Variants in NAPA observed in about 807,000 individuals in gnomAD.
The protein encoded by NAPA is alpha-soluble NSF attachment protein.
In NAPA, 18 loss-of-function variants were observed where a neutral mutation model predicts 48.0. That is an observed-to-expected ratio of 0.38 (90% confidence interval 0.26 to 0.56). NAPA has a LOEUF of 0.56. NAPA is among the 20% of genes least tolerant of loss of function. The pLI, the probability that NAPA is intolerant of heterozygous loss-of-function variation, is 0.77. For synonymous variants in NAPA, 152 were observed against 149.9 expected (o/e 1.01, Z -0.10); for missense variants, 315 against 385.0 (o/e 0.82, Z 1.52).
intron 1 of NAPA, 77 bp from the exon 2 acceptor site, chr19:47,503,579 C>A: frequency 7.3e-7 from 1 of 1,364,490 alleles, no homozygotes; most frequent in South Asian, 1.2e-5. Context: ...GCTCCAGTGC[C>A]GGGCACAGAC....
intron 2 of NAPA, among the ~76,000 whole-genome samples, chr19:47,502,509 C>T (rs1568468838): frequency 6.6e-6 from 1 of 152,130 alleles, no homozygotes; most frequent in Admixed American, 6.5e-5. Context: ...GGGAAACCAA[C>T]AACATTCTCA....
Position 47,492,037 on chromosome 19 carries a change from C to A in NAPA, c.644G>T (p.Cys215Phe). Reference sequence around the variant, plus strand: ...TACCTTGGCGTTGAGCATGTCGATGCAGAAGTGGCAGAGGGCCGCCTTGAA... The same window carrying A: ...TACCTTGGCGTTGAGCATGTCGATGAAGAAGTGGCAGAGGGCCGCCTTGAA... ...YFFKAALCHF[C>F]IDMLNAKLAV... The change falls in exon 8 of 11, where the codon TGC becomes TTC. Residue 215 changes from cysteine (C) to phenylalanine (F), a missense_variant. Coordinates refer to ENST00000263354, the MANE Select transcript of NAPA (RefSeq NM_003827.4). 1 of 1,614,098 alleles carries A rather than the reference C, an allele frequency of 6.2e-7. No individual in the cohort carries two copies. Among genetic ancestry groups the A allele is most frequent in the Non-Finnish European group, 8.5e-7 (1 of 1,179,992 alleles).
At chr19:47,503,914 C>T (rs1226407000) in intron 1 of NAPA, among the ~76,000 whole-genome samples, 1 of 152,232 alleles carries the variant, frequency 6.6e-6, no homozygotes, top group Non-Finnish European at 1.5e-5. Context: ...CATCGTGTTG[C>T]TTTCGCAGAG....
Position 47,508,161 on chromosome 19 carries a change from G to C in NAPA, c.99-4659C>G, listed in dbSNP as rs573634269. Among the ~76,000 whole-genome samples the C allele has an allele frequency of 1.8e-4, 27 of 152,308 alleles. 1 individual carries two copies. In the South Asian group the frequency reaches 5.2e-3, roughly 29 times the overall value. Reference sequence around the variant, plus strand: ...GTATGAATTAAGCCAGCCCCCTACCGAGCCTGCCAGTAACAAGCCAACAGG... The same window carrying C: ...GTATGAATTAAGCCAGCCCCCTACCCAGCCTGCCAGTAACAAGCCAACAGG... On this transcript the variant is annotated intron_variant, in intron 1 of 10. Transcript: ENST00000263354.
At chr19:47,494,755 AAAAG>A (rs1409382052) in intron 4 of NAPA, among the ~76,000 whole-genome samples, 4 of 145,780 alleles carry the variant, frequency 2.7e-5, no homozygotes, top group South Asian at 2.2e-4. Context: ...AAAAAAAAAA[AAAAG>A]AGAGAGAGAG....
Position 47,515,019 on chromosome 19 carries a change from G to T in NAPA, c.-79C>A. On this transcript the variant is annotated 5_prime_UTR_variant, in exon 1 of 11. It adds an upstream start codon to the 5' untranslated region. Coordinates refer to ENST00000263354, the MANE Select transcript of NAPA (RefSeq NM_003827.4). ...AGCCGCGGCCGGGCCGCGGAACACA[G>T]ATCGGTAAAACTCGCCCGGCTGCGT... 2 of 1,439,168 alleles carry T rather than the reference G, an allele frequency of 1.4e-6. No homozygotes were observed. The highest frequency in any genetic ancestry group is 1.9e-6 in the Non-Finnish European group (2 of 1,049,984). 89.1% of individuals were successfully genotyped at this position (1,439,168 alleles called of 1,614,324 possible). A position where few individuals can be genotyped will look rare whatever the true frequency, so the allele number is the denominator to read the frequency against.
rs775218310 is a variant in NAPA, at chr19:47,503,505, G to A, written c.99-3C>T. ...CTTCCTCTATTTTGGATGAGCCTCT[G>A]GGGAAAAAGGAAAGAAAAAAAGGAG... On this transcript the variant is annotated splice_region_variant and splice_polypyrimidine_tract_variant and intron_variant, in intron 1 of 10. Coordinates refer to ENST00000263354, the MANE Select transcript of NAPA (RefSeq NM_003827.4). The A allele has an allele frequency of 1.2e-6, 2 of 1,613,782 alleles. No homozygotes were observed. The highest frequency in any genetic ancestry group is 1.7e-6 in the Non-Finnish European group (2 of 1,179,670).
chr19:47,488,101 G>C lies in NAPA; in HGVS notation c.*187C>G, dbSNP rs1415381402. The C allele has an allele frequency of 3.5e-6, 2 of 578,288 alleles. No individual in the cohort carries two copies. The highest frequency in any genetic ancestry group is 6.2e-6 in the Non-Finnish European group (2 of 321,508). The allele number at this position is 578,288 out of a possible 1,614,324, so 35.8% of individuals were successfully genotyped here. A position where few individuals can be genotyped will look rare whatever the true frequency, so the allele number is the denominator to read the frequency against. ...GGGCAAGGGATGTAGCGAGAACAGA[G>C]GGTGACTGTCCGGCCAGCAGCCTGG... On this transcript the variant is annotated 3_prime_UTR_variant, in exon 11 of 11. Coordinates refer to ENST00000263354, the MANE Select transcript of NAPA (RefSeq NM_003827.4).
At chr19:47,490,640 A>G (rs1259859882) in intron 9 of NAPA, 148 bp downstream of exon 9, 2 of 246,492 alleles carry the variant, frequency 8.1e-6, no homozygotes, top group Non-Finnish European at 1.5e-5. Context: ...TGGAGACTCA[A>G]ATGGCCAAAC....
At chr19:47,495,269 C>T (rs1968390595) in intron 4 of NAPA, 2 of 487,576 alleles carry the variant, frequency 4.1e-6, no homozygotes, top group Middle Eastern at 5.6e-4. Context: ...GCCAGGATTA[C>T]AGGCATGAGC....
chr19:47,493,485 G>A lies in NAPA; in HGVS notation c.351C>T (p.Phe117=), dbSNP rs976639502. The A allele has an allele frequency of 2.5e-6, 4 of 1,613,780 alleles. No individual in the cohort carries two copies. Among genetic ancestry groups the A allele is most frequent in the Non-Finnish European group, 3.4e-6 (4 of 1,179,966 alleles). Residue 117 remains phenylalanine, a synonymous_variant, in exon 5 of 11, where the codon TTC becomes TTT. Coordinates refer to ENST00000263354, the MANE Select transcript of NAPA (RefSeq NM_003827.4). This position sits in a 1 kb window ranked among gnomAD's most constrained non-coding sequence, Gnocchi z 6.4. ...AGATGTGGTGCTTGGCCGCAATCGT[G>A]AATCGGCCCTGGAGGGGACACAGGA... ...AIEIYTDMGR[F]TIAAKHHISI...
intron 1 of NAPA, 73 bp downstream of exon 1, chr19:47,514,770 C>T: frequency 1.4e-6 from 2 of 1,465,608 alleles, no homozygotes; most frequent in South Asian, 1.2e-5. Context: ...CGTGCCCTAA[C>T]CCGCCACCTC....
intron 7 of NAPA, 163 bp from the exon 8 acceptor site, chr19:47,492,282 G>A (rs934661676): frequency 6.5e-6 from 4 of 615,632 alleles, no homozygotes; most frequent in South Asian, 3.8e-5. Flanking sequence ...CCAGCTTGGA[G>A]AGGTCAGCGG....
intron 1 of NAPA, among the ~76,000 whole-genome samples, chr19:47,509,758 T>C (rs879107087): frequency 6.6e-6 from 1 of 152,146 alleles, no homozygotes; most frequent in African/African-American, 2.4e-5. Flanking sequence ...CCACGGCCCT[T>C]CGAGATGAGC....
chr19:47,491,980 TG>T, intron 8 of NAPA, 34 bp downstream of exon 8: 1 of 1,577,594 alleles, frequency 6.3e-7, no homozygotes, highest in Non-Finnish European at 8.7e-7. Flanking sequence ...CATGGTGGCC[TG>T]GTGCGGTGGT....
At chr19:47,486,940 CA>C (rs1968091622), downstream of NAPA, among the ~76,000 whole-genome samples, 1 of 152,236 alleles carries the variant, frequency 6.6e-6, no homozygotes, top group African/African-American at 2.4e-5. Flanking sequence ...TGCCCCTGCT[CA>C]CTTCCTGACA....
chr19:47,495,464 A>G, intron 4 of NAPA, 86 bp downstream of exon 4: 2 of 1,410,680 alleles, frequency 1.4e-6, no homozygotes, highest in Non-Finnish European at 2.0e-6. Flanking sequence ...GAATAAGAAC[A>G]GTGCTGGGGG....
chr19:47,509,815 G>A (rs1402287694), intron 1 of NAPA, among the ~76,000 whole-genome samples: 1 of 152,128 alleles, frequency 6.6e-6, no homozygotes, highest in Non-Finnish European at 1.5e-5. Context: ...CCTGGCAGGC[G>A]CCCTGTTTCT....
chr19:47,496,628 G>A, intron 3 of NAPA: 1 of 266,372 alleles, frequency 3.8e-6, no homozygotes, highest in South Asian at 3.5e-5. Flanking sequence ...GTCACCGTGG[G>A]GGTCTCCATG....
Sources: allele counts gnomAD v4.1 joint callset (sites outside exome capture counted in the v4.1 genomes callset), GRCh38; gene constraint gnomAD v4.1.1; non-coding constraint Gnocchi (gnomAD v3.1); transcripts MANE v1.5; gene names NCBI Gene and HGNC (gene_info 2026-07-23, HGNC 2026-07-21).